Variants in WDR27 observed in about 807,000 individuals in gnomAD.
WDR27 encodes WD repeat domain 27.
Under a neutral mutation model 114.4 loss-of-function variants are expected in WDR27, and 100 were observed. That is an observed-to-expected ratio of 0.87 (90% CI 0.74 to 1.03). The LOEUF (loss-of-function observed/expected upper bound fraction) is 1.03, where lower values mean the gene tolerates loss of function less well. Ranked by LOEUF, WDR27 falls within the 50% of genes least tolerant of loss-of-function variation. WDR27 has a pLI of 0.00. For missense variants in WDR27, 1,129 were observed against 1,092.9 expected (o/e 1.03, Z -0.47); for synonymous variants, 449 against 423.1 (o/e 1.06, Z -0.75).
In WDR27 at chr6:169,622,191, C is replaced by T. The variant is rs576032940; in HGVS notation, c.2224-8535G>A. ...CTTTGCTTCGAGTTGTCCCACCTTT[C>T]CAGACCGAAGCAATGTTCATCTTAT... On this transcript the variant is annotated intron_variant, in intron 21 of 25. Transcript: ENST00000448612. 2.6e-5 allele frequency among the ~76,000 whole-genome samples: 4 copies of T among 152,342 alleles called. No homozygotes were observed. In the South Asian group the frequency reaches 8.3e-4, roughly 32 times the overall value.
chr6:169,490,704 G>C (rs1205339920), intron 25 of WDR27, among the ~76,000 whole-genome samples: 1 of 152,186 alleles, frequency 6.6e-6, no homozygotes, highest in Non-Finnish European at 1.5e-5. Flanking sequence ...GCTACTGGCT[G>C]GGGTTTCCTT....
intron 25 of WDR27, among the ~76,000 whole-genome samples, chr6:169,477,982 TAAAC>T (rs1195033780): frequency 6.6e-6 from 1 of 152,134 alleles, no homozygotes; most frequent in African/African-American, 2.4e-5. Flanking sequence ...TATTGATACA[TAAAC>T]AAATCTTAAA....
intron 25 of WDR27, among the ~76,000 whole-genome samples, chr6:169,571,165 T>A (rs1216195311): frequency 6.6e-6 from 1 of 152,180 alleles, no homozygotes; most frequent in Non-Finnish European, 1.5e-5. Flanking sequence ...TATGTCATTT[T>A]TCCCTGGCAA....
rs980557880 is a variant in WDR27, at chr6:169,666,973, A to G, written c.712+163T>C. On this transcript the variant is annotated intron_variant, in intron 6 of 25. Coordinates refer to ENST00000448612, the MANE Select transcript of WDR27 (RefSeq NM_182552.5). ...CATCAAGGACATTCACTGTTAAGTGAATCCTCTCCCTGTGTGGACGGGAGT... is the reference window on the plus strand; with the variant it reads ...CATCAAGGACATTCACTGTTAAGTGGATCCTCTCCCTGTGTGGACGGGAGT... The G allele has an allele frequency of 4.1e-5, 40 of 985,298 alleles. No homozygotes were observed. In the African/African-American group the frequency reaches 6.8e-4, roughly 17 times the overall value. 61.0% of individuals were successfully genotyped at this position (985,298 alleles called of 1,614,324 possible). A position where few individuals can be genotyped will look rare whatever the true frequency, so the allele number is the denominator to read the frequency against.
At chr6:169,565,902 C>T (rs560871920) in intron 25 of WDR27, among the ~76,000 whole-genome samples, 4 of 152,280 alleles carry the variant, frequency 2.6e-5, no homozygotes, top group Non-Finnish European at 4.4e-5. Context: ...CCTCAGCTTC[C>T]CAAAGTGTTG....
chr6:169,666,367 G>A (rs973451475), intron 6 of WDR27: 1 of 983,166 alleles, frequency 1.0e-6, no homozygotes, highest in African/African-American at 1.7e-5. Flanking sequence ...ACTCTACCAG[G>A]TCACCAAAGT....
rs939010212 is a variant in WDR27, at chr6:169,666,998, T to C, written c.712+138A>G. On this transcript the variant is annotated intron_variant, in intron 6 of 25. Transcript: ENST00000448612. ...AATCCTCTCCCTGTGTGGACGGGAG[T>C]GAAGGGCTGTAAGTCTGAGATTGCC... 1.1e-5 allele frequency: 14 copies of C among 1,279,444 alleles called. 1 individual carries two copies. The Middle Eastern group carries it at 6.0e-4, about 55-fold the overall frequency. The allele number at this position is 1,279,444 out of a possible 1,614,324, so 79.3% of individuals were successfully genotyped here. A position where few individuals can be genotyped will look rare whatever the true frequency, so the allele number is the denominator to read the frequency against.
At chr6:169,613,492 A>G (rs1252639899) in intron 22 of WDR27, 67 bp downstream of exon 22, 2 of 1,268,990 alleles carry the variant, frequency 1.6e-6, no homozygotes, top group African/African-American at 1.5e-5. Context: ...TTCGGAAAAG[A>G]GATCAGATTG....
At chr6:169,472,067 C>T (rs1786480733) in intron 25 of WDR27, among the ~76,000 whole-genome samples, 1 of 152,088 alleles carries the variant, frequency 6.6e-6, no homozygotes, top group Admixed American at 6.5e-5. Context: ...GAGGGGACAC[C>T]ATCATTCAGC....
Position 169,638,298 on chromosome 6 carries a change from G to C in WDR27, c.1869+241C>G, listed in dbSNP as rs1258192120. 4.4e-5 allele frequency among the ~76,000 whole-genome samples: 3 copies of C among 68,194 alleles called. 1 individual carries two copies. Among genetic ancestry groups the C allele is most frequent in the Non-Finnish European group, 7.6e-5 (3 of 39,410 alleles). 44.7% of individuals were successfully genotyped at this position (68,194 alleles called of 152,430 possible). A position where few individuals can be genotyped will look rare whatever the true frequency, so the allele number is the denominator to read the frequency against. On this transcript the variant is annotated intron_variant, in intron 18 of 25. Transcript: ENST00000448612. ...GCCACTGCAGTCCGCAGTCCGACCT[G>C]GGCGACAGAGCGAGACTCCGTCTCA...
At chr6:169,495,267 C>A (rs3006172) in intron 25 of WDR27, among the ~76,000 whole-genome samples, 136,286 of 152,032 alleles carry the variant, frequency 0.9, 62,107 homozygotes, top group African/African-American at 0.94. Context: ...TTTCTTGTAG[C>A]GTTTCCTAAT....
chr6:169,649,398 G>C (rs775246306), intron 14 of WDR27, 123 bp from the exon 15 acceptor site: 11 of 803,050 alleles, frequency 1.4e-5, no homozygotes, highest in Non-Finnish European at 2.2e-5. Context: ...AAATGCTTTC[G>C]GGCCCCTCCC....
At chr6:169,490,431 GGT>G (rs1458146189) in intron 25 of WDR27, among the ~76,000 whole-genome samples, 1 of 152,244 alleles carries the variant, frequency 6.6e-6, no homozygotes, top group Non-Finnish European at 1.5e-5. Flanking sequence ...CAGGGAGCCA[GGT>G]GTGTGCGCAG....
At chr6:169,647,689 A>T in intron 16 of WDR27, 84 bp downstream of exon 16, 1 of 1,154,482 alleles carries the variant, frequency 8.7e-7, no homozygotes, top group Non-Finnish European at 1.3e-6. Flanking sequence ...TACAATTATG[A>T]TACAATAGAA....
At chr6:169,629,351 A>G (rs895889061) in intron 21 of WDR27, among the ~76,000 whole-genome samples, 1 of 152,218 alleles carries the variant, frequency 6.6e-6, no homozygotes, top group Admixed American at 6.5e-5. Context: ...AAGCTCTAAC[A>G]GGCCAAGTTT....
At chr6:169,626,788 C>A (rs529610894) in intron 21 of WDR27, among the ~76,000 whole-genome samples, 2 of 152,226 alleles carry the variant, frequency 1.3e-5, no homozygotes, top group Non-Finnish European at 2.9e-5. Context: ...ACACACAGAA[C>A]CAGCCCTTCG....
intron 25 of WDR27, among the ~76,000 whole-genome samples, chr6:169,554,313 G>A (rs1047735800): frequency 1.7e-4 from 26 of 152,170 alleles, no homozygotes; most frequent in African/African-American, 5.1e-4. Flanking sequence ...CGCTCTAAGG[G>A]AAAGGTTGAT....
chr6:169,563,471 C>T (rs1208200687), intron 25 of WDR27, among the ~76,000 whole-genome samples: 2 of 152,190 alleles, frequency 1.3e-5, no homozygotes, highest in East Asian at 1.9e-4. Context: ...AACTAACATC[C>T]GTGAGTCTCT....
At chr6:169,587,221 T>C (rs948001852) in intron 23 of WDR27, among the ~76,000 whole-genome samples, 9 of 133,130 alleles carry the variant, frequency 6.8e-5, no homozygotes, top group African/African-American at 1.4e-4. Flanking sequence ...TTTCTTTTTT[T>C]TTTTTTTTTT....
Sources: gnomAD v4.1 joint callset for allele counts (sites outside exome capture counted in the v4.1 genomes callset) on GRCh38, gnomAD v4.1.1 for gene constraint, MANE v1.5 for transcripts, NCBI Gene and HGNC (gene_info 2026-07-23, HGNC 2026-07-21) for gene names.